TLN1: variants seen among roughly 807,000 people sequenced by gnomAD.
The protein encoded by TLN1 is talin 1, also known as talin-1.
A neutral mutation model predicts 292.3 loss-of-function variants in TLN1; 56 were observed. The ratio of observed to expected loss-of-function variants is 0.19; its 90% CI spans 0.15 to 0.24. TLN1 has a LOEUF of 0.24. TLN1 is among the 10% of genes least tolerant of loss of function. TLN1 has a pLI of 1.00. For synonymous variants in TLN1, 1,119 were observed against 1,253.7 expected (o/e 0.89, Z 2.27); for missense variants, 2,433 against 3,248.2 (o/e 0.75, Z 6.10).
In TLN1 at chr9:35,699,785, G is replaced by T; in HGVS notation, c.6768+189C>A. On this transcript the variant is annotated intron_variant, in intron 50 of 56. Coordinates refer to ENST00000314888, the MANE Select transcript of TLN1 (RefSeq NM_006289.4). The surrounding 1 kb of genome is among the most constrained non-coding windows in gnomAD (Gnocchi z 4.0). ...GAGGAAGAGGAAGAGGTGACTGGGA[G>T]AACCAAAGATGATAAGAAGGATGGG... The T allele has an allele frequency of 1.3e-6, 1 of 778,012 alleles. No individual in the cohort carries two copies. The highest frequency in any genetic ancestry group is 1.6e-6 in the Non-Finnish European group (1 of 641,020). The allele number at this position is 778,012 out of a possible 1,614,324, so 48.2% of individuals were successfully genotyped here.
At chr9:35,716,641 A>G (rs1825788820) in intron 19 of TLN1, 85 bp from the exon 20 acceptor site, 6 of 1,463,690 alleles carry the variant, frequency 4.1e-6, no homozygotes, top group African/African-American at 1.4e-5. Flanking sequence ...AAAGTGGTGT[A>G]GACAAGGTAG....
At chr9:35,729,367 G>C (rs1453327865) in intron 1 of TLN1, among the ~76,000 whole-genome samples, 1 of 152,210 alleles carries the variant, frequency 6.6e-6, no homozygotes, top group Admixed American at 6.5e-5. Context: ...ATTCAGGGAA[G>C]TGAGCAGGCA....
In TLN1 at chr9:35,720,145, A is replaced by C. The variant is rs1222624665; in HGVS notation, c.1358T>G (p.Met453Arg). ...CTCAGGACCAGAGGCTCCAGAGCGC[A>C]TGATGGCAGGCAGGGCCACAGAGCC... ...EHGSVALPAI[M>R]RSGASGPENF... Residue 453 changes from methionine to arginine, a missense_variant, in exon 13 of 57, where the codon ATG becomes AGG. By Grantham distance (91) the Met-to-Arg change is moderately conservative. Transcript: ENST00000314888. The C allele has an allele frequency of 1.9e-6, 3 of 1,612,644 alleles. No homozygotes were observed. Among genetic ancestry groups the C allele is most frequent in the Non-Finnish European group, 2.5e-6 (3 of 1,179,462 alleles).
At position 35,699,512 on chromosome 9, in the gene TLN1, C is replaced by T. The variant is rs757564484; in HGVS notation, c.6769-51G>A. On this transcript the variant is annotated intron_variant, in intron 50 of 56. Coordinates refer to ENST00000314888, the MANE Select transcript of TLN1 (RefSeq NM_006289.4). The surrounding 1 kb of genome is among the most constrained non-coding windows in gnomAD (Gnocchi z 4.0). Reference sequence around the variant, plus strand: ...AAGAGCATCACATCTTAGGGTCTACCCTGATCTATGAAATAGGGCAGACCA... The same window carrying T: ...AAGAGCATCACATCTTAGGGTCTACTCTGATCTATGAAATAGGGCAGACCA... 6.4e-7 allele frequency: 1 copy of T among 1,571,174 alleles called. No individual in the cohort carries two copies. Among genetic ancestry groups the T allele is most frequent in the East Asian group, 2.2e-5 (1 of 44,624 alleles).
intron 48 of TLN1, among the ~76,000 whole-genome samples, chr9:35,702,095 C>T (rs1026981581): frequency 2.0e-5 from 3 of 152,032 alleles, no homozygotes; most frequent in African/African-American, 4.8e-5. Context: ...AACCAGAGTG[C>T]GGACAGGGAA....
chr9:35,718,792 G>T lies in TLN1; in HGVS notation c.1995+20C>A. ...ACTTCCTAGATTCTGGGGTTCTGGG[G>T]GGTTGGGTAAGTCACCAACCTGGAA... On this transcript the variant is annotated intron_variant, in intron 17 of 56. Coordinates refer to ENST00000314888, the MANE Select transcript of TLN1 (RefSeq NM_006289.4). 6.3e-7 allele frequency: 1 copy of T among 1,599,826 alleles called. No individual in the cohort carries two copies. Among genetic ancestry groups the T allele is most frequent in the East Asian group, 2.2e-5 (1 of 44,752 alleles).
Position 35,707,651 on chromosome 9 carries a change from G to A in TLN1, c.4632+80C>T. On this transcript the variant is annotated intron_variant, in intron 35 of 56. Coordinates refer to ENST00000314888, the MANE Select transcript of TLN1 (RefSeq NM_006289.4). This position sits in a 1 kb window ranked among gnomAD's most constrained non-coding sequence, Gnocchi z 5.6. ...CTCAGGCAGAGGGGATTTGGTAGAA[G>A]GCTTCAGAGAATAACTGGGGGACTC... is the stretch of plus-strand genomic sequence containing the variant. 1 of 1,599,176 alleles carries A rather than the reference G, an allele frequency of 6.3e-7. No homozygotes were observed. The highest frequency in any genetic ancestry group is 1.3e-5 in the African/African-American group (1 of 74,784).
Position 35,706,494 on chromosome 9 carries a change from G to A in TLN1, c.5146C>T (p.Leu1716=), listed in dbSNP as rs780106905. The change falls in exon 39 of 57, where the codon CTG becomes TTG. Residue 1716 remains leucine, a synonymous_variant. Transcript: ENST00000314888. This position sits in a 1 kb window ranked among gnomAD's most constrained non-coding sequence, Gnocchi z 4.2. The stretch of plus-strand genomic sequence containing the variant: ...GCTTCAGCCCGGGCAGCATTGGCCA[G>A]CGGCTCAATGAGATGGGAGATCTCT... The part of the protein sequence containing the change: ...VQEISHLIEP[L]ANAARAEASQ... The A allele has an allele frequency of 2.5e-6, 4 of 1,614,164 alleles. No homozygotes were observed. In the East Asian group the frequency reaches 8.9e-5, roughly 36 times the overall value.
chr9:35,706,059 T>C lies in TLN1; in HGVS notation c.5414A>G (p.Glu1805Gly). 6.2e-7 allele frequency: 1 copy of C among 1,614,190 alleles called. No individual in the cohort carries two copies. Among genetic ancestry groups the C allele is most frequent in the Non-Finnish European group, 8.5e-7 (1 of 1,180,034 alleles). The change falls in exon 41 of 57, where the codon GAG becomes GGG. Residue 1805 changes from glutamate (E) to glycine (G), a missense_variant. Glu to Gly is a moderately conservative substitution (Grantham distance 98). Coordinates refer to ENST00000314888, the MANE Select transcript of TLN1 (RefSeq NM_006289.4). The surrounding 1 kb of genome is among the most constrained non-coding windows in gnomAD (Gnocchi z 4.2). ...ALEEAVQMMT[E>G]AVEDLTTTLN... ...GGTTGTTGTCAGGTCCTCTACGGCC[T>C]CGGTCATCATCTGCACAGCCTCCTC...
Position 35,699,161 on chromosome 9 carries a change from T to C in TLN1, c.6875-5A>G. 2 of 1,602,792 alleles carry C rather than the reference T, an allele frequency of 1.2e-6. No homozygotes were observed. The highest frequency in any genetic ancestry group is 1.7e-6 in the Non-Finnish European group (2 of 1,173,332). On this transcript the variant is annotated splice_region_variant and splice_polypyrimidine_tract_variant and intron_variant, in intron 51 of 56. Coordinates refer to ENST00000314888, the MANE Select transcript of TLN1 (RefSeq NM_006289.4). The surrounding 1 kb of genome is among the most constrained non-coding windows in gnomAD (Gnocchi z 4.0). Reference sequence around the variant, plus strand: ...CTGGGTCTACCCATTCTGTTCCTGGTGGGATGAAGGAAGAGGAAAGAGGCT... The same window carrying C: ...CTGGGTCTACCCATTCTGTTCCTGGCGGGATGAAGGAAGAGGAAAGAGGCT...
chr9:35,714,549 G>C lies in TLN1; in HGVS notation c.2985+25C>G, dbSNP rs1211261248. ...TTAGAAAGGTGGGAAGGTCAGGTCA[G>C]AGAAGTGCAGAGGGGGTGCCTTGCC... On this transcript the variant is annotated intron_variant, in intron 23 of 56. Coordinates refer to ENST00000314888, the MANE Select transcript of TLN1 (RefSeq NM_006289.4). The surrounding 1 kb of genome is among the most constrained non-coding windows in gnomAD (Gnocchi z 4.6). 17 of 1,603,940 alleles carry C rather than the reference G, an allele frequency of 1.1e-5. No individual in the cohort carries two copies. The highest frequency in any genetic ancestry group is 1.3e-5 in the African/African-American group (1 of 74,902).
rs779640670 is a variant in TLN1, at chr9:35,719,054, C to G, written c.1896+20G>C. ...GCTTGAACCCTGTCTCCACCCTAAC[C>G]CAAACCTGTGGCCCCTGACCTCAGC... On this transcript the variant is annotated intron_variant, in intron 16 of 56. Transcript: ENST00000314888. This position sits in a 1 kb window ranked among gnomAD's most constrained non-coding sequence, Gnocchi z 4.6. The G allele has an allele frequency of 6.2e-7, 1 of 1,606,810 alleles. No homozygotes were observed. The highest frequency in any genetic ancestry group is 8.5e-7 in the Non-Finnish European group (1 of 1,175,682).
chr9:35,699,358 T>C lies in TLN1; in HGVS notation c.6872A>G (p.Lys2291Arg). 3 of 1,611,414 alleles carry C rather than the reference T, an allele frequency of 1.9e-6. No homozygotes were observed. The highest frequency in any genetic ancestry group is 2.5e-6 in the Non-Finnish European group (3 of 1,178,598). ...CCCTGTCCCTGGTCACCCCTCACCC[T>C]TCATGGCTTCAGCAGCCTGGATGAG... ...TELIQAAEAM[K>R]GTEWVDPEDP... Residue 2291 changes from lysine (K) to arginine (R), a missense_variant and splice_region_variant, in exon 51 of 57, where the codon AAG becomes AGG. Coordinates refer to ENST00000314888, the MANE Select transcript of TLN1 (RefSeq NM_006289.4). The surrounding 1 kb of genome is among the most constrained non-coding windows in gnomAD (Gnocchi z 4.0).
rs373629805 is a variant in TLN1 at position 35,719,100 on chromosome 9, G to A, written c.1870C>T (p.Arg624Cys). The A allele has an allele frequency of 3.7e-5, 60 of 1,613,630 alleles. No homozygotes were observed. The Admixed American group carries it at 5.3e-4, about 14-fold the overall frequency. ...GLAGAVSELL[R>C]SAQPASAEPR... ...TCAGCACTGGCTGGTTGGGCACTGC[G>A]CAGCAGTTCTGACACTGCTCCCGCA... The change falls in exon 16 of 57, where the codon CGC becomes TGC. Residue 624 changes from arginine to cysteine, a missense_variant. Arg to Cys is a radical substitution (Grantham distance 180). Around this residue, in one of 7 missense-constraint regions of TLN1, gnomAD observed 617 missense variants for 770.6 expected, o/e 0.80. Coordinates refer to ENST00000314888, the MANE Select transcript of TLN1 (RefSeq NM_006289.4). This position sits in a 1 kb window ranked among gnomAD's most constrained non-coding sequence, Gnocchi z 4.6.
In TLN1 at chr9:35,699,247, A is replaced by G. The variant is rs866716729; in HGVS notation, c.6875-91T>C. ...ATGGTTAGTATCATCAGGCCCTGGC[A>G]TCTGTGGGGACTATGGTCAGAGGCT... On this transcript the variant is annotated intron_variant, in intron 51 of 56. Coordinates refer to ENST00000314888, the MANE Select transcript of TLN1 (RefSeq NM_006289.4). This position sits in a 1 kb window ranked among gnomAD's most constrained non-coding sequence, Gnocchi z 4.0. 3 of 1,556,848 alleles carry G rather than the reference A, an allele frequency of 1.9e-6. No homozygotes were observed. The highest frequency in any genetic ancestry group is 1.7e-6 in the Non-Finnish European group (2 of 1,149,490).
At chr9:35,711,854 A>G in intron 28 of TLN1, 62 bp from the exon 29 acceptor site, 1 of 1,607,590 alleles carries the variant, frequency 6.2e-7, no homozygotes, top group Non-Finnish European at 8.5e-7. Flanking sequence ...GAAGTCTGGT[A>G]AAGGAGGGCT....
chr9:35,714,858 C>T lies in TLN1; in HGVS notation c.2773G>A (p.Ala925Thr). Residue 925 changes from alanine (A) to threonine (T), a missense_variant, in exon 22 of 57, where the codon GCA becomes ACA. Ala to Thr is a moderately conservative substitution (Grantham distance 58). Coordinates refer to ENST00000314888, the MANE Select transcript of TLN1 (RefSeq NM_006289.4). The surrounding 1 kb of genome is among the most constrained non-coding windows in gnomAD (Gnocchi z 4.6). ...GCGATGGTCTGTGTGGCTGAGGCTGCAGCCTGCTTGGCTGCATGCTGTGAA... is the reference window on the plus strand; with the variant it reads ...GCGATGGTCTGTGTGGCTGAGGCTGTAGCCTGCTTGGCTGCATGCTGTGAA... ...QRLEHAAKQA[A>T]ASATQTIAAA... The T allele has an allele frequency of 6.4e-7, 1 of 1,571,042 alleles. No individual in the cohort carries two copies. The highest frequency in any genetic ancestry group is 8.6e-7 in the Non-Finnish European group (1 of 1,158,370).
At chr9:35,727,511 C>CT (rs1358533004) in intron 1 of TLN1, among the ~76,000 whole-genome samples, 2 of 152,204 alleles carry the variant, frequency 1.3e-5, no homozygotes. Context: ...CCACAGCTCT[C>CT]TGTCTTTACT....
Position 35,705,780 on chromosome 9 carries a change from G to A in TLN1, c.5583C>T (p.Ala1861=). The A allele has an allele frequency of 6.2e-7, 1 of 1,614,240 alleles. No individual in the cohort carries two copies. Residue 1861 remains alanine, a synonymous_variant, in exon 42 of 57, where the codon GCC becomes GCT. Coordinates refer to ENST00000314888, the MANE Select transcript of TLN1 (RefSeq NM_006289.4). ...VDYQTTMVRT[A]KAIAVTVQEM... The stretch of plus-strand genomic sequence containing the variant: ...CCTGAACGGTCACTGCAATGGCCTT[G>A]GCTGTCCGCACCATAGTTGTTTGGT...
Sources: gnomAD v4.1 joint callset for allele counts (sites outside exome capture counted in the v4.1 genomes callset) on GRCh38, gnomAD v4.1.1 for gene constraint, gnomAD v4.1.1 regional missense constraint, Gnocchi (gnomAD v3.1) non-coding constraint, MANE v1.5 for transcripts, NCBI Gene and HGNC (gene_info 2026-07-23, HGNC 2026-07-21) for gene names.